The following TRRAP variants were observed in gnomAD, a reference collection of about 807,000 sequenced individuals.
TRRAP encodes transformation/transcription domain-associated protein.
In TRRAP, 41 loss-of-function variants were observed where a neutral mutation model predicts 438.8. That is an observed-to-expected ratio of 0.09 (90% CI 0.07 to 0.12). The LOEUF is 0.12. TRRAP is among the 10% of genes least tolerant of loss of function. TRRAP has a pLI of 1.00. For missense variants in TRRAP, 3,122 were observed against 5,055.1 expected, an observed-to-expected ratio of 0.62 and a Z score of 11.60; for synonymous variants, 1,994 against 1,962.9, an observed-to-expected ratio of 1.02 and a Z score of -0.42.
chr7:98,989,285 C>A (rs77267608), intron 63 of TRRAP, among the ~76,000 whole-genome samples: 2 of 152,210 alleles, frequency 1.3e-5, no homozygotes, highest in African/African-American at 4.8e-5. Flanking sequence ...CCCTCCTAGA[C>A]GCCCGTTAGG....
chr7:98,940,770 G>A (rs1263031999), intron 30 of TRRAP, among the ~76,000 whole-genome samples: 2 of 152,192 alleles, frequency 1.3e-5, no homozygotes, highest in Non-Finnish European at 2.9e-5. Flanking sequence ...TAGTGGCAGA[G>A]GTCTTCCTGA....
intron 57 of TRRAP, 39 bp from the exon 58 acceptor site, chr7:98,978,730 G>C: frequency 6.2e-7 from 1 of 1,613,288 alleles, no homozygotes; most frequent in Non-Finnish European, 8.5e-7. Context: ...TGAGTGTGCT[G>C]GTGATTGAGC....
At chr7:98,917,051 C>T (rs2116444048) in intron 19 of TRRAP, among the ~76,000 whole-genome samples, 1 of 152,098 alleles carries the variant, frequency 6.6e-6, no homozygotes. Flanking sequence ...GAAAGAGGCT[C>T]CTCGCCATTT....
At chr7:98,881,950 C>T (rs1358070657) in intron 2 of TRRAP, 25 bp from the exon 3 acceptor site, 5 of 1,595,570 alleles carry the variant, frequency 3.1e-6, no homozygotes, top group Non-Finnish European at 3.4e-6. Flanking sequence ...TTTCAATTAC[C>T]TGATGCTTGT....
At chr7:99,007,972 C>T (rs1185833952) in intron 69 of TRRAP, among the ~76,000 whole-genome samples, 6 of 151,830 alleles carry the variant, frequency 4.0e-5, no homozygotes, top group East Asian at 1.9e-4. Flanking sequence ...ATTACAGGCA[C>T]CTGCCACCAC....
chr7:98,907,089 C>T (rs770320100), intron 13 of TRRAP, among the ~76,000 whole-genome samples: 7 of 151,590 alleles, frequency 4.6e-5, no homozygotes, highest in Admixed American at 6.6e-5. Context: ...TTTGGGAGGC[C>T]GAGGCGGGCA....
At chr7:98,916,992 A>T (rs1232945392) in intron 19 of TRRAP, among the ~76,000 whole-genome samples, 5 of 152,172 alleles carry the variant, frequency 3.3e-5, no homozygotes, top group African/African-American at 1.2e-4. Flanking sequence ...GAATGGGGTC[A>T]GTAAATCCTT....
chr7:98,878,615 G>A lies in TRRAP; in HGVS notation c.-84G>A, dbSNP rs1795269785. Reference sequence around the variant, plus strand: ...GCCGGGGTCGCGGGCCGGGCCTGCAGGAGCCGGGCCGCCGAGGTCGGGGTA... The same window carrying A: ...GCCGGGGTCGCGGGCCGGGCCTGCAAGAGCCGGGCCGCCGAGGTCGGGGTA... On this transcript the variant is annotated 5_prime_UTR_variant, in exon 1 of 73. Coordinates refer to ENST00000456197, the MANE Select transcript of TRRAP (RefSeq NM_001375524.1). 6.6e-6 allele frequency: 1 copy of A among 151,416 alleles called. No individual in the cohort carries two copies. Among genetic ancestry groups the A allele is most frequent in the Non-Finnish European group, 1.5e-5 (1 of 67,890 alleles). 9.4% of individuals were successfully genotyped at this position (151,416 alleles called of 1,614,324 possible). A position where few individuals can be genotyped will look rare whatever the true frequency, so the allele number is the denominator to read the frequency against.
intron 33 of TRRAP, among the ~76,000 whole-genome samples, chr7:98,947,645 G>A (rs561435563): frequency 1.3e-5 from 2 of 152,044 alleles, no homozygotes; most frequent in African/African-American, 4.8e-5. Context: ...TAGTAGAGAC[G>A]GGGTTTCGCC....
In TRRAP at chr7:98,881,166, A is replaced by G. The variant is rs1443089904; in HGVS notation, c.16A>G (p.Thr6Ala). Residue 6 changes from threonine (T) to alanine (A), a missense_variant, in exon 2 of 73, where the codon ACA becomes GCA. Transcript: ENST00000456197. MAFVA[T>A]QGATVVDQTT... ...CAAAAGAAAAATGGCGTTTGTTGCA[A>G]CACAGGGGGCCACGGTGGTTGACCA... is the stretch of plus-strand genomic sequence containing the variant. The G allele has an allele frequency of 6.2e-7, 1 of 1,608,508 alleles. No homozygotes were observed. Among genetic ancestry groups the G allele is most frequent in the African/African-American group, 1.3e-5 (1 of 74,748 alleles).
At chr7:98,911,321 A>G (rs782456571) in intron 17 of TRRAP, 50 bp downstream of exon 17, 3 of 1,480,892 alleles carry the variant, frequency 2.0e-6, no homozygotes, top group African/African-American at 1.4e-5. Flanking sequence ...TTCTTTGTTT[A>G]TGTCTTAAAT....
intron 23 of TRRAP, among the ~76,000 whole-genome samples, chr7:98,929,351 G>A (rs1409576363): frequency 1.3e-5 from 2 of 152,182 alleles, no homozygotes; most frequent in Non-Finnish European, 2.9e-5. Context: ...GCTTCCCAAA[G>A]TACTGGGCTT....
chr7:98,972,022 A>G, intron 53 of TRRAP, 77 bp downstream of exon 53: 2 of 1,508,984 alleles, frequency 1.3e-6, no homozygotes, highest in East Asian at 2.3e-5. Flanking sequence ...ATCATTCCAC[A>G]GCAGTGTAAC....
intron 18 of TRRAP, among the ~76,000 whole-genome samples, chr7:98,914,179 G>C (rs1789411386): frequency 6.6e-6 from 1 of 152,026 alleles, no homozygotes; most frequent in African/African-American, 2.4e-5. Context: ...AGGATTGCTT[G>C]AGCCCAAGAG....
chr7:98,948,740 C>T lies in TRRAP; in HGVS notation c.4788+55C>T, dbSNP rs1189346408. Reference sequence around the variant, plus strand: ...GTCCCTTCAAATGCTTGTGAGCTGTCGTGCTCTGAAATGTTCAGTTCATAT... The same window carrying T: ...GTCCCTTCAAATGCTTGTGAGCTGTTGTGCTCTGAAATGTTCAGTTCATAT... On this transcript the variant is annotated intron_variant, in intron 35 of 72. Coordinates refer to ENST00000456197, the MANE Select transcript of TRRAP (RefSeq NM_001375524.1). The surrounding 1 kb of genome is among the most constrained non-coding windows in gnomAD (Gnocchi z 4.9). The T allele has an allele frequency of 5.0e-6, 8 of 1,612,270 alleles. No individual in the cohort carries two copies. Among genetic ancestry groups the T allele is most frequent in the South Asian group, 2.2e-5 (2 of 90,872 alleles).
At chr7:98,969,699 A>T (rs1271813563) in intron 51 of TRRAP, among the ~76,000 whole-genome samples, 2 of 140,254 alleles carry the variant, frequency 1.4e-5, no homozygotes, top group Non-Finnish European at 3.1e-5. Flanking sequence ...CTCGCAACTC[A>T]CACGGGGAAG....
At chr7:98,980,648 T>TTA (rs1267105817) in intron 58 of TRRAP, among the ~76,000 whole-genome samples, 1 of 152,196 alleles carries the variant, frequency 6.6e-6, no homozygotes, top group East Asian at 1.9e-4. Context: ...AAGTGTGGCT[T>TTA]TAAAATGACA....
At chr7:98,989,072 T>A in intron 63 of TRRAP, 106 bp downstream of exon 63, 2 of 1,140,600 alleles carry the variant, frequency 1.8e-6, no homozygotes, top group Non-Finnish European at 1.3e-6. Context: ...GAGGCATGAT[T>A]TCATGCCTTA....
intron 3 of TRRAP, among the ~76,000 whole-genome samples, chr7:98,888,408 A>G (rs1178387373): frequency 6.8e-6 from 1 of 147,684 alleles, no homozygotes; most frequent in Non-Finnish European, 1.5e-5. Flanking sequence ...GTGGTGGCTT[A>G]TGCCTGTAGT....
Sources: allele counts gnomAD v4.1 joint callset (sites outside exome capture counted in the v4.1 genomes callset), GRCh38; gene constraint gnomAD v4.1.1; non-coding constraint Gnocchi (gnomAD v3.1); transcripts MANE v1.5; gene names NCBI Gene and HGNC (gene_info 2026-07-23, HGNC 2026-07-21).